SPAG16: variants seen among roughly 807,000 people sequenced by gnomAD.
The protein encoded by SPAG16 is sperm associated antigen 16, also known as sperm-associated antigen 16 protein.
In SPAG16, 86 loss-of-function variants were observed where a neutral mutation model predicts 80.4. The observed-to-expected ratio is 1.07, with a 90% CI of 0.90 to 1.28. The LOEUF (loss-of-function observed/expected upper bound fraction) is 1.28. SPAG16 is among the 50% of genes most tolerant of loss of function. SPAG16 has a pLI of 0.00. For missense variants in SPAG16, 870 were observed against 765.3 expected (o/e 1.14, Z -1.61); for synonymous variants, 294 against 265.9 (o/e 1.11, Z -1.03).
chr2:213,601,956 A>G (rs937701516), intron 10 of SPAG16, among the ~76,000 whole-genome samples: 3 of 152,184 alleles, frequency 2.0e-5, no homozygotes, highest in Non-Finnish European at 4.4e-5. Flanking sequence ...GTCATCAGGC[A>G]TTGGTTAGAG....
chr2:214,146,594 G>A lies in SPAG16; in HGVS notation c.1594-2546G>A, dbSNP rs150170108. ...CTGCTATGCTCCAAACACTGTAATA[G>A]ACACTGCATCTGCCTCACTAGCTAA... On this transcript the variant is annotated intron_variant, in intron 14 of 15. Coordinates refer to ENST00000331683, the MANE Select transcript of SPAG16 (RefSeq NM_024532.5). Among the ~76,000 whole-genome samples, 126 of 152,308 alleles carry A rather than the reference G, an allele frequency of 8.3e-4. 1 individual carries two copies. The highest frequency in any genetic ancestry group is 1.7e-3 in the Admixed American group (26 of 15,298).
chr2:214,225,842 A>G (rs2058686588), intron 15 of SPAG16, among the ~76,000 whole-genome samples: 1 of 152,134 alleles, frequency 6.6e-6, no homozygotes, highest in African/African-American at 2.4e-5. Flanking sequence ...TATTGAAATC[A>G]AATTTATAAA....
intron 12 of SPAG16, among the ~76,000 whole-genome samples, chr2:214,012,420 C>A (rs569963313): frequency 6.6e-6 from 1 of 150,376 alleles, no homozygotes; most frequent in African/African-American, 2.4e-5. Flanking sequence ...TTCAGCCTCC[C>A]GAGTAGCTGG....
chr2:213,523,481 G>C (rs1343112117), intron 10 of SPAG16, among the ~76,000 whole-genome samples: 1 of 152,242 alleles, frequency 6.6e-6, no homozygotes, highest in Non-Finnish European at 1.5e-5. Context: ...AAATGTGGAA[G>C]TGACTCTGAA....
intron 9 of SPAG16, among the ~76,000 whole-genome samples, chr2:213,489,430 G>A (rs2074144465): frequency 6.6e-6 from 1 of 152,070 alleles, no homozygotes; most frequent in Admixed American, 6.5e-5. Context: ...GATTTGACAG[G>A]ATTAATAGAA....
At chr2:213,705,577 A>T (rs748094468) in intron 10 of SPAG16, among the ~76,000 whole-genome samples, 1 of 151,812 alleles carries the variant, frequency 6.6e-6, no homozygotes, top group African/African-American at 2.4e-5. Context: ...TTGGTTTGGA[A>T]ACTTGGTGCA....
rs1283187143 is a variant in SPAG16 at position 213,417,337 on chromosome 2, T to G, written c.942+42218T>G. ...TCAGGGCTTTTGCAAATGCCAGGAC[T>G]TCTGACAACTGTTTAGTGTTTTTGC... On this transcript the variant is annotated intron_variant, in intron 9 of 15. Transcript: ENST00000331683. Among the ~76,000 whole-genome samples, 4 of 152,372 alleles carry G rather than the reference T, an allele frequency of 2.6e-5. 1 individual carries two copies. Among genetic ancestry groups the G allele is most frequent in the African/African-American group, 9.6e-5 (4 of 41,584 alleles).
chr2:213,924,307 T>G (rs1308407313), intron 11 of SPAG16, among the ~76,000 whole-genome samples: 1 of 152,214 alleles, frequency 6.6e-6, no homozygotes, highest in Non-Finnish European at 1.5e-5. Context: ...AGGCAGATTT[T>G]CCTACTCCCA....
At chr2:214,187,414 A>C (rs1245249391) in intron 15 of SPAG16, among the ~76,000 whole-genome samples, 1 of 152,180 alleles carries the variant, frequency 6.6e-6, no homozygotes, top group East Asian at 1.9e-4. Flanking sequence ...CTTGGCAAAC[A>C]AATGTTTTCC....
At chr2:214,225,753 A>G (rs2058684910) in intron 15 of SPAG16, among the ~76,000 whole-genome samples, 1 of 152,166 alleles carries the variant, frequency 6.6e-6, no homozygotes, top group African/African-American at 2.4e-5. Context: ...TACTTATAAT[A>G]TAGTATCTGA....
chr2:214,096,937 AT>A (rs566369093), intron 13 of SPAG16, among the ~76,000 whole-genome samples: 1 of 152,044 alleles, frequency 6.6e-6, no homozygotes, highest in Admixed American at 6.6e-5. Context: ...AATGGAATAT[AT>A]TTTTTAACAA....
intron 15 of SPAG16, among the ~76,000 whole-genome samples, chr2:214,210,826 C>T (rs948974609): frequency 1.3e-5 from 2 of 148,244 alleles, no homozygotes; most frequent in African/African-American, 5.3e-5. Flanking sequence ...AATACACACA[C>T]ACATGCGCGC....
intron 9 of SPAG16, among the ~76,000 whole-genome samples, chr2:213,415,047 T>C (rs1218706231): frequency 2.0e-5 from 3 of 152,192 alleles, no homozygotes; most frequent in Non-Finnish European, 2.9e-5. Context: ...TTCAATTATC[T>C]CCCACCAGGT....
chr2:214,129,073 C>T (rs1559826232), intron 14 of SPAG16, among the ~76,000 whole-genome samples: 1 of 150,296 alleles, frequency 6.7e-6, no homozygotes, highest in African/African-American at 2.4e-5. Flanking sequence ...CTTCCTAGGC[C>T]CCTAAGTAAT....
Position 214,195,335 on chromosome 2 carries a change from A to AGATAGATAGATAGATAGATG in SPAG16, c.1720+46069_1720+46070insGATAGATAGATAGATAGATG, listed in dbSNP as rs1553522804. Among the ~76,000 whole-genome samples, 40 of 152,004 alleles carry AGATAGATAGATAGATAGATG rather than the reference A, an allele frequency of 2.6e-4. No homozygotes were observed. In the Middle Eastern group the frequency reaches 0.014, roughly 52 times the overall value. ...TAGATAGATAGATAGATAGATAGAT[A>AGATAGATAGATAGATAGATG]TTTGAGAGATATATAGACTTGACAT... On this transcript the variant is annotated intron_variant, in intron 15 of 15. Coordinates refer to ENST00000331683, the MANE Select transcript of SPAG16 (RefSeq NM_024532.5).
At chr2:214,128,559 G>A (rs1277939494) in intron 14 of SPAG16, among the ~76,000 whole-genome samples, 2 of 151,796 alleles carry the variant, frequency 1.3e-5, no homozygotes, top group Non-Finnish European at 2.9e-5. Context: ...CAAATTGAAT[G>A]AAAACACTCC....
intron 9 of SPAG16, among the ~76,000 whole-genome samples, chr2:213,470,546 G>A (rs1481157938): frequency 5.9e-5 from 9 of 152,174 alleles, no homozygotes; most frequent in Admixed American, 5.9e-4. Context: ...TCACCCTGAG[G>A]AATGGTGCCA....
chr2:214,286,835 A>C (rs1461100672), intron 15 of SPAG16, among the ~76,000 whole-genome samples: 2 of 152,182 alleles, frequency 1.3e-5, no homozygotes, highest in African/African-American at 2.4e-5. Context: ...ACTAAAAATG[A>C]TTGACCTATG....
intron 15 of SPAG16, among the ~76,000 whole-genome samples, chr2:214,401,424 T>C (rs1469981339): frequency 1.3e-5 from 2 of 151,938 alleles, no homozygotes; most frequent in African/African-American, 4.8e-5. Flanking sequence ...TTATTTCATA[T>C]ATGGCACACA....
Sources: gnomAD v4.1 joint callset for allele counts (sites outside exome capture counted in the v4.1 genomes callset) on GRCh38, gnomAD v4.1.1 for gene constraint, MANE v1.5 for transcripts, NCBI Gene and HGNC (gene_info 2026-07-23, HGNC 2026-07-21) for gene names.